HUWE1: variants seen among roughly 807,000 people sequenced by gnomAD.
HUWE1 encodes the protein E3 ubiquitin-protein ligase HUWE1.
HUWE1 carries 18 observed loss-of-function variants against 299.4 expected under a neutral mutation model. That is an observed-to-expected ratio of 0.06 (90% CI 0.04 to 0.09). HUWE1 has a LOEUF of 0.09. Ranked by LOEUF, HUWE1 falls within the 10% of genes least tolerant of loss-of-function variation. The pLI is 1.00. For synonymous variants in HUWE1, 1,317 were observed against 1,286.1 expected, an observed-to-expected ratio of 1.02 and a Z score of -0.51; for missense variants, 1,832 against 3,462.3, an observed-to-expected ratio of 0.53 and a Z score of 11.82.
At chrX:53,541,591 GTC>G (rs1189092163) in intron 74 of HUWE1, among the ~76,000 whole-genome samples, 1 of 111,321 alleles carries the variant, frequency 9.0e-6, no homozygotes, top group Non-Finnish European at 1.9e-5. Context: ...TAGACTCTGT[GTC>G]AAAAAACAAA....
At chrX:53,585,749 C>T (rs1277874355) in intron 39 of HUWE1, among the ~76,000 whole-genome samples, 1 of 111,880 alleles carries the variant, frequency 8.9e-6, no homozygotes, top group Non-Finnish European at 1.9e-5. Context: ...TGACGCGATG[C>T]CGGCTCGGTT....
At chrX:53,567,462 G>A (rs782469148) in intron 49 of HUWE1, among the ~76,000 whole-genome samples, 8 of 111,160 alleles carry the variant, frequency 7.2e-5, no homozygotes, top group Non-Finnish European at 1.5e-4. Flanking sequence ...ATGAAAAGTC[G>A]AGTCCATAAT....
intron 73 of HUWE1, 99 bp from the exon 74 acceptor site, chrX:53,542,638 G>T (rs1556919534): frequency 1.7e-6 from 1 of 586,389 alleles, no homozygotes. Context: ...CATTGAGCTT[G>T]CAAAGAAGCT....
intron 35 of HUWE1, 29 bp downstream of exon 35, chrX:53,590,375 C>A (rs782408619): frequency 1.1e-6 from 1 of 940,974 alleles, no homozygotes. Context: ...ATGTGCCAAG[C>A]CCTTTAGGAT....
Position 53,627,732 on chromosome X carries a change from A to G in HUWE1, c.1383+7T>C. On this transcript the variant is annotated splice_region_variant and intron_variant, in intron 16 of 83. Transcript: ENST00000262854. Reference sequence around the variant, plus strand: ...TTCTGTGCAAAGCATTCCTTGTATAATAATACCTCAAGTCTATAAATGAAG... The same window carrying G: ...TTCTGTGCAAAGCATTCCTTGTATAGTAATACCTCAAGTCTATAAATGAAG... 8.4e-7 allele frequency: 1 copy of G among 1,191,097 alleles called. No homozygotes were observed.
At chrX:53,648,530 CAAAAA>C (rs1235327907) in intron 4 of HUWE1, among the ~76,000 whole-genome samples, 14 of 94,768 alleles carry the variant, frequency 1.5e-4, no homozygotes, top group Admixed American at 5.6e-4. Context: ...GCTTAAAAAA[CAAAAA>C]AAAACAAAAA....
At chrX:53,545,633 T>A (rs2061512508) in intron 70 of HUWE1, among the ~76,000 whole-genome samples, 1 of 111,549 alleles carries the variant, frequency 9.0e-6, no homozygotes, top group African/African-American at 3.3e-5. Context: ...GCCTGGCCCA[T>A]AGGTGTGGAA....
At chrX:53,626,847 C>T (rs982075817) in intron 17 of HUWE1, among the ~76,000 whole-genome samples, 16 of 111,601 alleles carry the variant, frequency 1.4e-4, no homozygotes, top group African/African-American at 4.9e-4. Context: ...TTGTATTTTT[C>T]GTAAAGACAA....
At chrX:53,544,955 C>T in intron 71 of HUWE1, 74 bp downstream of exon 71, 3 of 1,117,838 alleles carry the variant, frequency 2.7e-6, no homozygotes, top group Non-Finnish European at 3.7e-6. Flanking sequence ...TAAAAAAGAC[C>T]AGGAAACCAG....
rs1557006828 is a variant in HUWE1, at chrX:53,615,746, T to G, written c.2047A>C (p.Lys683Gln). 8.3e-7 allele frequency: 1 copy of G among 1,198,135 alleles called. No individual in the cohort carries two copies. Among genetic ancestry groups the G allele is most frequent in the East Asian group, 3.0e-5 (1 of 33,780 alleles). Residue 683 changes from lysine to glutamine, a missense_variant and splice_region_variant, in exon 22 of 84, where the codon AAG becomes CAG. Transcript: ENST00000262854. ...GTCACATCCTTATCACTTTCTACCT[T>G]GATGATGGCAGTCGTTGCATCTGTT... The part of the protein sequence containing the change: ...LKTDATTAII[K>Q]LLEEICNLGR...
At chrX:53,566,117 A>ATGTGTGTG (rs781804758) in intron 49 of HUWE1, among the ~76,000 whole-genome samples, 13 of 54,303 alleles carry the variant, frequency 2.4e-4, no homozygotes, top group East Asian at 6.5e-4. Context: ...GTATGTATGT[A>ATGTGTGTG]TGTGTGTGTG....
rs1252962388 is a variant in HUWE1 at position 53,589,749 on chromosome X, T to G, written c.4259A>C (p.Lys1420Thr). Reference sequence around the variant, plus strand: ...AGCATCCTGGAACTTCTCTAGACATTTAGCCTCTTCCTCCTCCTGCTTTTC... The same window carrying G: ...AGCATCCTGGAACTTCTCTAGACATGTAGCCTCTTCCTCCTCCTGCTTTTC... ...AREKQEEEEA[K>T]CLEKFQDADP... is the part of the protein sequence containing the mutation. The change falls in exon 36 of 84, where the codon AAA becomes ACA. Residue 1420 changes from lysine to threonine, a missense_variant. Lys to Thr is a moderately conservative substitution (Grantham distance 78). Around this residue, in one of 15 missense-constraint regions of HUWE1, gnomAD observed 658 missense variants for 1,282.6 expected, o/e 0.51. Coordinates refer to ENST00000262854, the MANE Select transcript of HUWE1 (RefSeq NM_031407.7). 1.7e-6 allele frequency: 2 copies of G among 1,209,109 alleles called. No individual in the cohort carries two copies. Among genetic ancestry groups the G allele is most frequent in the African/African-American group, 3.5e-5 (2 of 57,046 alleles).
At position 53,568,765 on chromosome X, in the gene HUWE1, T is replaced by C; in HGVS notation, c.6634A>G (p.Ile2212Val). Residue 2212 changes from isoleucine to valine, a missense_variant, in exon 49 of 84, where the codon ATC (isoleucine) becomes GTC (valine). Ile to Val is a conservative substitution (Grantham distance 29). Transcript: ENST00000262854. ...CCCTTCTTCAGGAAAAGCCGAATGATGTTGTTCATGCCATTGTGCTGGGTC... is the reference window on the plus strand; with the variant it reads ...CCCTTCTTCAGGAAAAGCCGAATGACGTTGTTCATGCCATTGTGCTGGGTC... ...AKTQHNGMNNIIRLFLKKGLV... is the reference protein window; with the variant it reads ...AKTQHNGMNNVIRLFLKKGLV... 1 of 1,210,893 alleles carries C rather than the reference T, an allele frequency of 8.3e-7. No homozygotes were observed. Among genetic ancestry groups the C allele is most frequent in the Non-Finnish European group, 1.1e-6 (1 of 894,869 alleles).
At chrX:53,644,866 G>A (rs1462575076) in intron 7 of HUWE1, among the ~76,000 whole-genome samples, 4 of 111,661 alleles carry the variant, frequency 3.6e-5, no homozygotes, top group African/African-American at 1.3e-4. Context: ...CAATCACTAC[G>A]ACTTACTGAT....
At chrX:53,645,737 ATATATATATATATATATAT>A (rs1167038681) in intron 6 of HUWE1, among the ~76,000 whole-genome samples, 3 of 38,309 alleles carry the variant, frequency 7.8e-5, no homozygotes, top group Non-Finnish European at 1.4e-4. Context: ...AAAAAAAAAA[ATATATATATATATATATAT>A]ATATATATAT....
chrX:53,573,888 T>C lies in HUWE1; in HGVS notation c.6174A>G (p.Lys2058=). 8.3e-7 allele frequency: 1 copy of C among 1,211,626 alleles called. No homozygotes were observed. Among genetic ancestry groups the C allele is most frequent in the Middle Eastern group, 2.3e-4 (1 of 4,346 alleles). The change falls in exon 47 of 84, where the codon AAA becomes AAG. Residue 2058 remains lysine (K), a synonymous_variant. Transcript: ENST00000262854. The part of the protein sequence containing the change: ...GDRASEEGKQ[K]GKGSKPLMPT... ...GCATTAAAGGTTTGCTGCCCTTGCC[T>C]TTCTGTTTGCCTTCCTCAGAGGCCC...
chrX:53,572,208 G>C (rs781985855), intron 47 of HUWE1, among the ~76,000 whole-genome samples: 22 of 111,673 alleles, frequency 2.0e-4, no homozygotes, highest in African/African-American at 6.5e-4. Context: ...TACATTCTAT[G>C]AGATTCCATT....
At position 53,599,988 on chromosome X, in the gene HUWE1, G is replaced by C. The variant is rs947179642; in HGVS notation, c.3163+130C>G. ...TGTCACATAGCAGCCACTCAACAAAGGACACTTAAAAATGAGTCACAGAAG... is the reference window on the plus strand; with the variant it reads ...TGTCACATAGCAGCCACTCAACAAACGACACTTAAAAATGAGTCACAGAAG... On this transcript the variant is annotated intron_variant, in intron 29 of 83. Coordinates refer to ENST00000262854, the MANE Select transcript of HUWE1 (RefSeq NM_031407.7). 5 of 585,389 alleles carry C rather than the reference G, an allele frequency of 8.5e-6. No homozygotes were observed. In the Admixed American group the frequency reaches 9.9e-5, roughly 12 times the overall value. The allele number at this position is 585,389 out of a possible 1,213,427, so 48.2% of individuals were successfully genotyped here.
intron 43 of HUWE1, chrX:53,579,869 T>C (rs1556965179): frequency 1.0e-5 from 1 of 98,617 alleles, no homozygotes; most frequent in Non-Finnish European, 2.1e-5. Context: ...CTTGTTTATC[T>C]GCTGACCTTC....
Sources: allele counts gnomAD v4.1 joint callset (sites outside exome capture counted in the v4.1 genomes callset), GRCh38; gene constraint gnomAD v4.1.1; regional missense constraint gnomAD v4.1.1; transcripts MANE v1.5; gene names NCBI Gene and HGNC (gene_info 2026-07-23, HGNC 2026-07-21).